USP32: variants seen among roughly 807,000 people sequenced by gnomAD.
The protein encoded by USP32 is ubiquitin specific peptidase 32.
A neutral mutation model predicts 204.8 loss-of-function variants in USP32; 59 were observed. The observed-to-expected ratio is 0.29, with a 90% confidence interval of 0.23 to 0.36. USP32 has a LOEUF of 0.36. Ranked by LOEUF, USP32 falls within the 10% of genes least tolerant of loss-of-function variation. The pLI, the probability that USP32 is intolerant of heterozygous loss-of-function variation, is 1.00. For synonymous variants in USP32, 517 were observed against 678.4 expected (o/e 0.76, Z 3.70); for missense variants, 1,160 against 1,946.4 (o/e 0.60, Z 7.60).
upstream of USP32, chr17:60,392,391 C>G (rs1019812754): frequency 3.8e-6 from 1 of 263,384 alleles, no homozygotes; most frequent in Non-Finnish European, 7.6e-6. Flanking sequence ...AACGCATCGT[C>G]CCATCTTCCC....
chr17:60,279,340 GC>G (rs1434656006), intron 5 of USP32, among the ~76,000 whole-genome samples: 3 of 151,324 alleles, frequency 2.0e-5, no homozygotes, highest in Non-Finnish European at 4.4e-5. Flanking sequence ...TTAGAAATTA[GC>G]CGGGTGTGGT....
At chr17:60,400,166 C>T (rs558148971) in intron 1 of USP32, among the ~76,000 whole-genome samples, 10 of 152,176 alleles carry the variant, frequency 6.6e-5, no homozygotes, top group South Asian at 2.1e-4. Context: ...GGTTTCACCA[C>T]GTTGGCCAGG....
intron 5 of USP32, among the ~76,000 whole-genome samples, chr17:60,285,916 C>T (rs2087098160): frequency 6.6e-6 from 1 of 152,076 alleles, no homozygotes; most frequent in Non-Finnish European, 1.5e-5. Flanking sequence ...GCAGGTGGAT[C>T]ACCTGAGGTC....
At chr17:60,265,259 T>G (rs1182796655) in intron 9 of USP32, among the ~76,000 whole-genome samples, 153 bp downstream of exon 9, 3 of 152,226 alleles carry the variant, frequency 2.0e-5, no homozygotes, top group African/African-American at 7.2e-5. Context: ...TGGCTCTCTT[T>G]GGAGATAACT....
chr17:60,397,878 TAC>T (rs1396926772), intron 1 of USP32, among the ~76,000 whole-genome samples: 1 of 152,160 alleles, frequency 6.6e-6, no homozygotes, highest in Admixed American at 6.6e-5. Flanking sequence ...TTAAGAGTTT[TAC>T]AGTGGGAGTG....
chr17:60,420,992 C>G (rs2090107232), intron 1 of USP32, among the ~76,000 whole-genome samples: 1 of 152,138 alleles, frequency 6.6e-6, no homozygotes, highest in Admixed American at 6.6e-5. Flanking sequence ...CAGTCCTCAT[C>G]ATCTTCTCTC....
At chr17:60,293,826 T>C (rs2087349783) in intron 4 of USP32, among the ~76,000 whole-genome samples, 1 of 152,174 alleles carries the variant, frequency 6.6e-6, no homozygotes, top group Non-Finnish European at 1.5e-5. Flanking sequence ...AATGGAATTG[T>C]GTCAAAAAGC....
chr17:60,392,327 C>T, upstream of USP32: 1 of 317,142 alleles, frequency 3.2e-6, no homozygotes, highest in African/African-American at 2.3e-5. Flanking sequence ...CTCCGCCCCT[C>T]CCCAAGCTAA....
intron 12 of USP32, among the ~76,000 whole-genome samples, chr17:60,232,917 TAG>T (rs1311218463): frequency 1.3e-5 from 2 of 152,198 alleles, no homozygotes; most frequent in African/African-American, 4.8e-5. Context: ...TAACCTTATA[TAG>T]AGTTTCTATC....
intron 11 of USP32, 121 bp from the exon 12 acceptor site, chr17:60,236,361 G>T: frequency 1.4e-6 from 1 of 720,656 alleles, no homozygotes; most frequent in Non-Finnish European, 2.3e-6. Flanking sequence ...AATTAGGAGA[G>T]ACTGCCAAAA....
intron 1 of USP32, among the ~76,000 whole-genome samples, chr17:60,414,625 T>C (rs2090046298): frequency 6.6e-6 from 1 of 151,488 alleles, no homozygotes; most frequent in South Asian, 2.1e-4. Flanking sequence ...GACGGGGTTT[T>C]GCCATGTTGG....
Position 60,301,625 on chromosome 17 carries a change from C to CT in USP32, c.265dup (p.Arg89LysfsTer5). 1 of 1,593,064 alleles carries CT rather than the reference C, an allele frequency of 6.3e-7. No individual in the cohort carries two copies. Among genetic ancestry groups the CT allele is most frequent in the Non-Finnish European group, 8.5e-7 (1 of 1,174,764 alleles). ...TTTTGCTTTCTCTTCATCTTTGCCT[C>CT]TTGTAAGGAGGACAAGTCCAACTAT... On this transcript the variant is annotated frameshift_variant, in exon 3 of 34. Transcript: ENST00000300896. LOFTEE classifies it high-confidence loss of function.
At chr17:60,351,470 C>T (rs753555866) in intron 1 of USP32, among the ~76,000 whole-genome samples, 27 of 151,828 alleles carry the variant, frequency 1.8e-4, no homozygotes, top group Non-Finnish European at 3.2e-4. Context: ...AGTCTCACTC[C>T]GTCCCCCAGG....
At chr17:60,300,124 A>G (rs2087536246) in intron 3 of USP32, among the ~76,000 whole-genome samples, 1 of 152,160 alleles carries the variant, frequency 6.6e-6, no homozygotes. Context: ...AGAGAGAAAG[A>G]CCCAGCATAT....
At chr17:60,349,597 AT>A (rs60822310) in intron 1 of USP32, among the ~76,000 whole-genome samples, 10,349 of 37,886 alleles carry the variant, frequency 0.27, 1,308 homozygotes, top group Non-Finnish European at 0.33. Flanking sequence ...AAAAAAAAAA[AT>A]ATATATATAT....
intron 3 of USP32, among the ~76,000 whole-genome samples, chr17:60,299,882 C>G (rs2087529723): frequency 6.6e-6 from 1 of 152,154 alleles, no homozygotes; most frequent in African/African-American, 2.4e-5. Flanking sequence ...CAGCCACCTT[C>G]TCATTGTATC....
At chr17:60,354,682 C>T (rs2089027409) in intron 1 of USP32, among the ~76,000 whole-genome samples, 1 of 152,118 alleles carries the variant, frequency 6.6e-6, no homozygotes, top group Non-Finnish European at 1.5e-5. Flanking sequence ...CAAGAGGGGG[C>T]CTACAACTAG....
intron 2 of USP32, among the ~76,000 whole-genome samples, chr17:60,341,695 G>A (rs188616378): frequency 5.1e-4 from 77 of 151,950 alleles, no homozygotes; most frequent in African/African-American, 1.6e-3. Context: ...GATTGAATCC[G>A]CTATTGAAAC....
chr17:60,245,561 G>T, intron 11 of USP32: 3 of 308,034 alleles, frequency 9.7e-6, no homozygotes, highest in South Asian at 6.8e-5. Context: ...ACTTAGTTTT[G>T]ACATATCAGT....
Sources: allele counts gnomAD v4.1 joint callset (sites outside exome capture counted in the v4.1 genomes callset), GRCh38; gene constraint gnomAD v4.1.1; transcripts MANE v1.5; gene names NCBI Gene and HGNC (gene_info 2026-07-23, HGNC 2026-07-21).